Variants in CACNA2D3 observed in about 807,000 individuals in gnomAD.
CACNA2D3 encodes calcium voltage-gated channel auxiliary subunit alpha2delta 3.
CACNA2D3 carries 60 observed loss-of-function variants against 160.6 expected under a neutral mutation model. The observed-to-expected ratio is 0.37, with a 90% CI of 0.30 to 0.46. The LOEUF (loss-of-function observed/expected upper bound fraction) is 0.46. CACNA2D3 is among the 20% of genes least tolerant of loss of function. The probability of loss-of-function intolerance (pLI) is 1.00; values close to 1 mark genes in which losing one functional copy is unlikely to be tolerated. For synonymous variants in CACNA2D3, 558 were observed against 492.9 expected, an observed-to-expected ratio of 1.13 and a Z score of -1.75; for missense variants, 1,205 against 1,365.0, an observed-to-expected ratio of 0.88 and a Z score of 1.85.
chr3:54,554,245 TCCC>T (rs1702204759), intron 5 of CACNA2D3, among the ~76,000 whole-genome samples: 1 of 152,180 alleles, frequency 6.6e-6, no homozygotes, highest in Non-Finnish European at 1.5e-5. Context: ...CTCTGGCTTA[TCCC>T]AGTTTATTTT....
chr3:54,191,601 C>T (rs1340724196), intron 2 of CACNA2D3, among the ~76,000 whole-genome samples: 1 of 152,056 alleles, frequency 6.6e-6, no homozygotes, highest in African/African-American at 2.4e-5. Flanking sequence ...GATACAGTCT[C>T]TTCTCATGCT....
intron 13 of CACNA2D3, among the ~76,000 whole-genome samples, chr3:54,813,530 G>A (rs1703379045): frequency 6.6e-6 from 1 of 152,116 alleles, no homozygotes; most frequent in South Asian, 2.1e-4. Flanking sequence ...ATCAGCTTGG[G>A]TGATTAACAT....
chr3:54,928,048 A>C (rs1408048725), intron 27 of CACNA2D3: 3 of 776,706 alleles, frequency 3.9e-6, no homozygotes, highest in African/African-American at 3.5e-5. Flanking sequence ...GCTTTTCTTC[A>C]ATGCAGAAAA....
chr3:54,408,267 G>T (rs937925549), intron 4 of CACNA2D3, among the ~76,000 whole-genome samples: 2 of 152,150 alleles, frequency 1.3e-5, no homozygotes, highest in Non-Finnish European at 2.9e-5. Flanking sequence ...TCTGGATTGA[G>T]TGGAGCTTCT....
At chr3:54,762,091 C>G (rs1400910145) in intron 12 of CACNA2D3, among the ~76,000 whole-genome samples, 2 of 152,136 alleles carry the variant, frequency 1.3e-5, no homozygotes, top group Non-Finnish European at 1.5e-5. Context: ...GGGGAGGAAA[C>G]AAGAATCTGT....
At chr3:54,541,043 C>T (rs1227689711) in intron 5 of CACNA2D3, among the ~76,000 whole-genome samples, 2 of 151,828 alleles carry the variant, frequency 1.3e-5, no homozygotes, top group Non-Finnish European at 2.9e-5. Flanking sequence ...TTTGGGAGGC[C>T]AAGGTGGGCA....
At chr3:54,544,148 A>G (rs1414558431) in intron 5 of CACNA2D3, among the ~76,000 whole-genome samples, 1 of 152,178 alleles carries the variant, frequency 6.6e-6, no homozygotes, top group Non-Finnish European at 1.5e-5. Flanking sequence ...TGTTTTATCT[A>G]TAATTCAATT....
chr3:54,530,444 A>G (rs562180578), intron 5 of CACNA2D3, among the ~76,000 whole-genome samples: 3 of 152,338 alleles, frequency 2.0e-5, no homozygotes, highest in Admixed American at 2.0e-4. Flanking sequence ...TCCGAAGGGC[A>G]GTGAGCACAT....
chr3:54,457,152 A>G (rs925168742), intron 4 of CACNA2D3, among the ~76,000 whole-genome samples: 6 of 151,782 alleles, frequency 4.0e-5, no homozygotes, highest in African/African-American at 1.4e-4. Context: ...GTGTATAATT[A>G]GGTTATTTGA....
intron 11 of CACNA2D3, among the ~76,000 whole-genome samples, chr3:54,705,953 A>G (rs554185923): frequency 3.3e-5 from 5 of 152,276 alleles, no homozygotes; most frequent in Admixed American, 2.0e-4. Context: ...CTCCTCGTAT[A>G]GTTCTCATAA....
At chr3:54,662,101 A>G (rs759596958) in intron 11 of CACNA2D3, among the ~76,000 whole-genome samples, 1 of 152,092 alleles carries the variant, frequency 6.6e-6, no homozygotes, top group East Asian at 1.9e-4. Flanking sequence ...CTGGGTCACC[A>G]GTGGATGCCC....
rs150491008 is a variant in CACNA2D3 at position 54,752,662 on chromosome 3, G to T, written c.1231G>T (p.Ala411Ser). The stretch of plus-strand genomic sequence containing the variant: ...GTTTGCAGACAATCTAAAGTGGATG[G>T]CCTGTGCCAACAAAGGTGGGTCTTC... ...AAFADNLKWM[A>S]CANKGFFTQI... Residue 411 changes from alanine to serine, a missense_variant, in exon 12 of 38, where the codon GCC (alanine) becomes TCC (serine). By Grantham distance (99) the Ala-to-Ser change is moderately conservative. Around this residue, in one of 3 missense-constraint regions of CACNA2D3, gnomAD observed 911 missense variants for 1,002.2 expected, o/e 0.91. Transcript: ENST00000474759. 6.2e-7 allele frequency: 1 copy of T among 1,612,764 alleles called. No individual in the cohort carries two copies. Among genetic ancestry groups the T allele is most frequent in the East Asian group, 2.2e-5 (1 of 44,794 alleles).
chr3:54,864,086 CAG>C (rs1340895584), intron 17 of CACNA2D3, among the ~76,000 whole-genome samples: 1 of 152,110 alleles, frequency 6.6e-6, no homozygotes, highest in Non-Finnish European at 1.5e-5. Context: ...TCTGGGCTGT[CAG>C]GGAGTCACAC....
At chr3:54,974,956 A>G (rs1426010900) in intron 29 of CACNA2D3, among the ~76,000 whole-genome samples, 1 of 152,210 alleles carries the variant, frequency 6.6e-6, no homozygotes, top group Non-Finnish European at 1.5e-5. Context: ...TGGACAGGCC[A>G]TATGGAGAAG....
At chr3:54,485,551 G>T (rs922722057) in intron 4 of CACNA2D3, among the ~76,000 whole-genome samples, 3 of 151,494 alleles carry the variant, frequency 2.0e-5, no homozygotes, top group African/African-American at 7.3e-5. Context: ...ACCCTCCATA[G>T]CATAGTATAA....
intron 13 of CACNA2D3, among the ~76,000 whole-genome samples, chr3:54,803,471 T>A (rs918430732): frequency 1.6e-4 from 24 of 151,952 alleles, no homozygotes; most frequent in Non-Finnish European, 2.9e-5. Context: ...TGATGGAAGA[T>A]GAAATGAATG....
chr3:54,519,454 T>G (rs1006237061), intron 5 of CACNA2D3, among the ~76,000 whole-genome samples: 2 of 152,198 alleles, frequency 1.3e-5, no homozygotes, highest in African/African-American at 2.4e-5. Context: ...CCTCTTTTCC[T>G]ATAATCAAAA....
At chr3:54,309,690 GA>G (rs2107498213) in intron 2 of CACNA2D3, among the ~76,000 whole-genome samples, 1 of 152,280 alleles carries the variant, frequency 6.6e-6, no homozygotes, top group East Asian at 1.9e-4. Context: ...GGGGGTGTCA[GA>G]AGGCACCATG....
intron 4 of CACNA2D3, among the ~76,000 whole-genome samples, chr3:54,445,544 ATTTC>A (rs1700208000): frequency 1.6e-5 from 2 of 124,928 alleles, no homozygotes; most frequent in Admixed American, 1.9e-4. Flanking sequence ...TATACTTTTT[ATTTC>A]TATGTATACA....
Sources: gnomAD v4.1 joint callset for allele counts (sites outside exome capture counted in the v4.1 genomes callset) on GRCh38, gnomAD v4.1.1 for gene constraint, gnomAD v4.1.1 regional missense constraint, MANE v1.5 for transcripts, NCBI Gene and HGNC (gene_info 2026-07-23, HGNC 2026-07-21) for gene names.